RIMKLB: variants seen among roughly 807,000 people sequenced by gnomAD.
The protein encoded by RIMKLB is ribosomal modification protein rimK like family member B.
A neutral mutation model predicts 32.0 loss-of-function variants in RIMKLB; 7 were observed. The ratio of observed to expected loss-of-function variants is 0.22; its 90% CI spans 0.12 to 0.41. The LOEUF (loss-of-function observed/expected upper bound fraction) is 0.41. Among genes scored for constraint, RIMKLB ranks in the 10% least tolerant of loss-of-function variants. The pLI is 1.00. For synonymous variants in RIMKLB, 172 were observed against 185.1 expected, an observed-to-expected ratio of 0.93 and a Z score of 0.57; for missense variants, 289 against 498.7, an observed-to-expected ratio of 0.58 and a Z score of 4.00.
chr12:8,723,327 G>A (rs1945653982), intron 2 of RIMKLB, among the ~76,000 whole-genome samples: 1 of 152,192 alleles, frequency 6.6e-6, no homozygotes, highest in African/African-American at 2.4e-5. Context: ...GTGGAGCAGT[G>A]AGAATGTACA....
At chr12:8,738,539 G>A (rs1215542108) in intron 2 of RIMKLB, among the ~76,000 whole-genome samples, 2 of 152,170 alleles carry the variant, frequency 1.3e-5, no homozygotes, top group Non-Finnish European at 2.9e-5. Flanking sequence ...GACAGTATTT[G>A]TATGGTCATC....
In RIMKLB at chr12:8,767,401, G is replaced by T. The variant is rs139125368; in HGVS notation, c.698-5920G>T. Among the ~76,000 whole-genome samples the T allele has an allele frequency of 2.2e-3, 336 of 151,214 alleles. 1 individual carries two copies. The highest frequency in any genetic ancestry group is 3.4e-3 in the Non-Finnish European group (233 of 67,678). On this transcript the variant is annotated intron_variant, in intron 5 of 5. Coordinates refer to ENST00000535829, the MANE Select transcript of RIMKLB (RefSeq NM_001297776.2). ...CTGGCTTCGTAGCCTAGGGGCCTAA[G>T]GACGCAGTGTAGAGCTTCCTTAGAT... is the stretch of plus-strand genomic sequence containing the variant.
downstream of RIMKLB, among the ~76,000 whole-genome samples, chr12:8,781,382 T>C (rs1951023439): frequency 6.6e-6 from 1 of 152,136 alleles, no homozygotes; most frequent in Non-Finnish European, 1.5e-5. Context: ...CTTCCCTTTT[T>C]AGTGGGAGCT....
chr12:8,769,282 TAATTTCATTAA>T (rs1477770565), intron 5 of RIMKLB, among the ~76,000 whole-genome samples: 2 of 152,012 alleles, frequency 1.3e-5, no homozygotes, highest in Non-Finnish European at 2.9e-5. Context: ...CATTTTTTTT[TAATTTCATTAA>T]TTTTTTTTGG....
At chr12:8,752,760 G>A (rs1328248651) in intron 4 of RIMKLB, among the ~76,000 whole-genome samples, 1 of 150,478 alleles carries the variant, frequency 6.6e-6, no homozygotes, top group Non-Finnish European at 1.5e-5. Flanking sequence ...TTTTTTTTGA[G>A]ATGGAGTTTT....
intron 2 of RIMKLB, among the ~76,000 whole-genome samples, chr12:8,726,373 C>T (rs765055372): frequency 6.6e-6 from 1 of 152,078 alleles, no homozygotes; most frequent in Non-Finnish European, 1.5e-5. Flanking sequence ...GTCTTCTGCC[C>T]GTTTTTTTAG....
chr12:8,733,464 A>G (rs1239236513), intron 2 of RIMKLB, among the ~76,000 whole-genome samples: 2 of 152,234 alleles, frequency 1.3e-5, no homozygotes, highest in Non-Finnish European at 2.9e-5. Context: ...AGAATGTTCT[A>G]TTATTAAGTA....
intron 1 of RIMKLB, among the ~76,000 whole-genome samples, chr12:8,683,570 C>A (rs1031970652): frequency 6.6e-6 from 1 of 152,224 alleles, no homozygotes; most frequent in Non-Finnish European, 1.5e-5. Context: ...GGTTTCTGTT[C>A]AGATATTTTG....
chr12:8,750,068 C>T lies in RIMKLB; in HGVS notation c.382C>T (p.Pro128Ser). ...TCAAGAGTTGGCTGGCCATGGTGTT[C>T]CTCTGCCGGATACTTTCTCTTATGG... ...TFQELAGHGVPLPDTFSYGGH... is the reference protein window; with the variant it reads ...TFQELAGHGVSLPDTFSYGGH... Residue 128 changes from proline (P) to serine (S), a missense_variant, in exon 3 of 6, where the codon CCT becomes TCT. Around this residue, in one of 3 missense-constraint regions of RIMKLB, gnomAD observed 156 missense variants for 329.5 expected, o/e 0.47. Transcript: ENST00000535829. 4.4e-6 allele frequency: 7 copies of T among 1,607,046 alleles called. No individual in the cohort carries two copies. The highest frequency in any genetic ancestry group is 6.0e-6 in the Non-Finnish European group (7 of 1,173,804).
intron 2 of RIMKLB, among the ~76,000 whole-genome samples, chr12:8,746,542 G>A (rs1948106910): frequency 6.7e-6 from 1 of 148,620 alleles, no homozygotes; most frequent in South Asian, 2.1e-4. Context: ...AGGTTGCAGT[G>A]AGCCAAGATA....
chr12:8,715,228 C>CCTTTTTTTTTTTTTTTTTT (rs1445737752), intron 2 of RIMKLB, among the ~76,000 whole-genome samples: 7 of 123,758 alleles, frequency 5.7e-5, no homozygotes, highest in African/African-American at 2.3e-4. Context: ...TGCTCTTGTT[C>CCTTTTTTTTTTTTTTTTTT]TTTTTTTTTT....
At chr12:8,765,502 A>C (rs777887544) in intron 5 of RIMKLB, among the ~76,000 whole-genome samples, 1 of 152,280 alleles carries the variant, frequency 6.6e-6, no homozygotes, top group East Asian at 1.9e-4. Flanking sequence ...GTAACATTAT[A>C]TCTCTCCATG....
chr12:8,742,414 G>T, intron 2 of RIMKLB: 1 of 290,518 alleles, frequency 3.4e-6, no homozygotes, highest in South Asian at 3.4e-5. Context: ...GTAACTTACA[G>T]GGAAGTTTTC....
chr12:8,690,538 G>A (rs150702068), intron 1 of RIMKLB, among the ~76,000 whole-genome samples: 4 of 152,270 alleles, frequency 2.6e-5, no homozygotes, highest in Non-Finnish European at 4.4e-5. Flanking sequence ...TTTGCTACTC[G>A]GATTCAAATC....
upstream of RIMKLB, among the ~76,000 whole-genome samples, chr12:8,678,596 G>A (rs1942358714): frequency 6.6e-6 from 1 of 152,166 alleles, no homozygotes. Context: ...CCAAAGTGCT[G>A]GGATTACAGG....
At chr12:8,738,310 C>G (rs1320724307) in intron 2 of RIMKLB, among the ~76,000 whole-genome samples, 1 of 152,138 alleles carries the variant, frequency 6.6e-6, no homozygotes, top group East Asian at 1.9e-4. Context: ...TCCTGGAGTT[C>G]TGGGATTACA....
intron 1 of RIMKLB, among the ~76,000 whole-genome samples, chr12:8,682,014 G>A (rs916383891): frequency 1.3e-5 from 2 of 152,224 alleles, no homozygotes; most frequent in Middle Eastern, 3.4e-3. Context: ...CAGGTAGATA[G>A]TGTCAGTATT....
chr12:8,767,957 C>T (rs558741939), intron 5 of RIMKLB, among the ~76,000 whole-genome samples: 65 of 152,144 alleles, frequency 4.3e-4, no homozygotes, highest in Non-Finnish European at 7.8e-4. Context: ...TTCGTGGTCA[C>T]CAAAATGTTA....
intron 5 of RIMKLB, among the ~76,000 whole-genome samples, chr12:8,772,675 C>G (rs747419785): frequency 6.6e-6 from 1 of 152,362 alleles, no homozygotes; most frequent in South Asian, 2.1e-4. Context: ...GTCATCCTCA[C>G]TCCTATGGAT....
Sources: gnomAD v4.1 joint callset for allele counts (sites outside exome capture counted in the v4.1 genomes callset) on GRCh38, gnomAD v4.1.1 for gene constraint, gnomAD v4.1.1 regional missense constraint, MANE v1.5 for transcripts, NCBI Gene and HGNC (gene_info 2026-07-23, HGNC 2026-07-21) for gene names.